Variants in RANBP2 observed in about 807,000 individuals in gnomAD.
The protein encoded by RANBP2 is RAN binding protein 2, also known as E3 SUMO-protein ligase RanBP2.
Under a neutral mutation model 303.6 loss-of-function variants are expected in RANBP2, and 57 were observed. That is an observed-to-expected ratio of 0.19 (90% CI 0.15 to 0.23). RANBP2 has a LOEUF of 0.23. Among genes scored for constraint, RANBP2 ranks in the 10% least tolerant of loss-of-function variants. The pLI, the probability that RANBP2 is intolerant of heterozygous loss-of-function variation, is 1.00. For synonymous variants in RANBP2, 1,167 were observed against 1,301.5 expected, an observed-to-expected ratio of 0.90 and a Z score of 2.23; for missense variants, 3,138 against 3,780.8, an observed-to-expected ratio of 0.83 and a Z score of 4.46.
chr2:109,594,172 T>C, the RANBP2 span, among the ~76,000 whole-genome samples: 5 of 152,192 alleles, frequency 3.3e-5, no homozygotes, highest in Admixed American at 3.3e-4. Flanking sequence ...CAAGAAAAAC[T>C]GTACTAATTC....
chr2:109,296,883 T>C, the RANBP2 span, among the ~76,000 whole-genome samples: 3 of 152,156 alleles, frequency 2.0e-5, no homozygotes, highest in African/African-American at 7.2e-5. Context: ...CATTGCCAGA[T>C]GTTATTTTGA....
At chr2:109,603,656 G>A in the RANBP2 span, among the ~76,000 whole-genome samples, 1 of 152,154 alleles carries the variant, frequency 6.6e-6, no homozygotes, top group Non-Finnish European at 1.5e-5. Flanking sequence ...ACAATTGGGA[G>A]ACATACATAC....
chr2:109,561,753 C>G, the RANBP2 span, among the ~76,000 whole-genome samples: 1 of 152,202 alleles, frequency 6.6e-6, no homozygotes, highest in Non-Finnish European at 1.5e-5. Context: ...ACCCCATTTT[C>G]TAGGTCAAAG....
the RANBP2 span, chr2:109,129,482 G>A: frequency 6.7e-7 from 1 of 1,494,258 alleles, no homozygotes; most frequent in Non-Finnish European, 8.9e-7. Flanking sequence ...CCGGTGGCGG[G>A]CTCCACGCCG....
At chr2:109,097,975 G>T in the RANBP2 span, among the ~76,000 whole-genome samples, 1 of 152,076 alleles carries the variant, frequency 6.6e-6, no homozygotes, top group African/African-American at 2.4e-5. Context: ...TACCATAAAG[G>T]CCACGGACTG....
the RANBP2 span, among the ~76,000 whole-genome samples, chr2:109,346,175 CA>C: frequency 1.3e-5 from 2 of 152,130 alleles, no homozygotes; most frequent in Non-Finnish European, 2.9e-5. Flanking sequence ...TTATTGGAAG[CA>C]AACGGATTTT....
the RANBP2 span, among the ~76,000 whole-genome samples, chr2:109,471,601 A>G: frequency 6.6e-6 from 1 of 152,202 alleles, no homozygotes; most frequent in Admixed American, 6.5e-5. Context: ...GGAACAGCTC[A>G]TGTAGGCCCA....
the RANBP2 span, among the ~76,000 whole-genome samples, chr2:109,353,008 G>T: frequency 1.3e-5 from 2 of 152,242 alleles, no homozygotes; most frequent in African/African-American, 4.8e-5. Context: ...AGCAGTCCTG[G>T]CCCTGGCCGC....
chr2:108,719,490 C>A lies in RANBP2; in HGVS notation c.-117C>A, dbSNP rs969314012. On this transcript the variant is annotated 5_prime_UTR_variant, in exon 1 of 29. Transcript: ENST00000283195. ...TGCGCCGCAAGTTCGTCACAGTGGT[C>A]CTCCGCCGGCTACGGCGCTGCGTCA... The A allele has an allele frequency of 1.1e-5, 17 of 1,503,254 alleles. No homozygotes were observed. Among genetic ancestry groups the A allele is most frequent in the Non-Finnish European group, 1.5e-5 (17 of 1,115,582 alleles). The allele number at this position is 1,503,254 out of a possible 1,614,324, so 93.1% of individuals were successfully genotyped here.
chr2:109,725,004 C>T, the RANBP2 span, among the ~76,000 whole-genome samples: 1 of 152,170 alleles, frequency 6.6e-6, no homozygotes, highest in African/African-American at 2.4e-5. Flanking sequence ...ACAGGGTGAT[C>T]AGAGGCTGCT....
the RANBP2 span, among the ~76,000 whole-genome samples, chr2:109,697,506 CT>C: frequency 6.7e-6 from 1 of 149,354 alleles, no homozygotes; most frequent in African/African-American, 2.4e-5. Context: ...AAAAAAGAGG[CT>C]TTTTTCCCCT....
chr2:109,061,096 C>A, the RANBP2 span, among the ~76,000 whole-genome samples: 1 of 151,856 alleles, frequency 6.6e-6, no homozygotes, highest in South Asian at 2.1e-4. Context: ...ATAGTGTCCT[C>A]TGTTAATAGA....
chr2:109,282,592 G>T, the RANBP2 span, among the ~76,000 whole-genome samples: 1 of 152,192 alleles, frequency 6.6e-6, no homozygotes, highest in Non-Finnish European at 1.5e-5. Flanking sequence ...GGAGAACGGC[G>T]CACAGAGCCA....
chr2:109,410,066 G>A, the RANBP2 span, among the ~76,000 whole-genome samples: 1 of 152,166 alleles, frequency 6.6e-6, no homozygotes, highest in Non-Finnish European at 1.5e-5. Context: ...TCCCAGCAGG[G>A]AACTAATACG....
chr2:109,283,992 A>G, the RANBP2 span, among the ~76,000 whole-genome samples: 2 of 152,084 alleles, frequency 1.3e-5, no homozygotes, highest in Admixed American at 6.5e-5. Flanking sequence ...GTGTTTTTCC[A>G]GGAGAGCTTG....
the RANBP2 span, among the ~76,000 whole-genome samples, chr2:109,553,583 T>G: frequency 7.1e-6 from 1 of 140,292 alleles, no homozygotes; most frequent in Non-Finnish European, 1.5e-5. Context: ...CCTGGCCTGG[T>G]GGCTCACGCC....
the RANBP2 span, among the ~76,000 whole-genome samples, chr2:109,357,687 A>G: frequency 6.6e-6 from 1 of 152,124 alleles, no homozygotes; most frequent in Admixed American, 6.5e-5. Context: ...AGCTATACCC[A>G]TGTTGTTGTA....
chr2:108,883,448 TAGATG>T, the RANBP2 span: 1 of 152,232 alleles, frequency 6.6e-6, no homozygotes, highest in Admixed American at 6.5e-5. Flanking sequence ...CCCTGACATA[TAGATG>T]AGATGAAGAT....
At chr2:109,093,482 A>G in the RANBP2 span, among the ~76,000 whole-genome samples, 1 of 151,884 alleles carries the variant, frequency 6.6e-6, no homozygotes, top group Non-Finnish European at 1.5e-5. Context: ...ACTTTGAGAC[A>G]CCTTATGTGT....
Sources: gnomAD v4.1 joint callset for allele counts (sites outside exome capture counted in the v4.1 genomes callset) on GRCh38, gnomAD v4.1.1 for gene constraint, MANE v1.5 for transcripts, NCBI Gene and HGNC (gene_info 2026-07-23, HGNC 2026-07-21) for gene names.